Variants in SLC38A10 observed in about 807,000 individuals in gnomAD.
SLC38A10 encodes the protein Sodium-coupled neutral amino acid transporter 10.
Under a neutral mutation model 81.0 loss-of-function variants are expected in SLC38A10, and 53 were observed. The observed-to-expected ratio is 0.65, with a 90% CI of 0.53 to 0.82. SLC38A10 has a LOEUF of 0.82. SLC38A10 is among the 40% of genes least tolerant of loss of function. SLC38A10 has a pLI of 0.00. For missense variants in SLC38A10, 1,471 were observed against 1,545.0 expected, an observed-to-expected ratio of 0.95 and a Z score of 0.80; for synonymous variants, 665 against 655.3, an observed-to-expected ratio of 1.01 and a Z score of -0.23.
rs111841149 is a variant in SLC38A10, at chr17:81,295,020, C to T, written c.-99G>A. The T allele has an allele frequency of 8.6e-6, 12 of 1,395,794 alleles. No homozygotes were observed. The African/African-American group carries it at 9.1e-5, about 11-fold the overall frequency. 86.5% of individuals were successfully genotyped at this position (1,395,794 alleles called of 1,614,324 possible). Reference sequence around the variant, plus strand: ...CCGAGGCCACGGTCACAGGTCCCAACGTCCGGGACGCCGGTGGGGAGGGGA... The same window carrying T: ...CCGAGGCCACGGTCACAGGTCCCAATGTCCGGGACGCCGGTGGGGAGGGGA... On this transcript the variant is annotated 5_prime_UTR_variant, in exon 1 of 16. Transcript: ENST00000374759.
At chr17:81,262,101 G>A (rs1205398504) in intron 10 of SLC38A10, among the ~76,000 whole-genome samples, 2 of 152,250 alleles carry the variant, frequency 1.3e-5, no homozygotes, top group Non-Finnish European at 2.9e-5. Flanking sequence ...ACTCTCGCGA[G>A]GCTGCCCGAT....
chr17:81,292,543 G>A (rs36007241), intron 1 of SLC38A10, among the ~76,000 whole-genome samples: 30,926 of 152,022 alleles, frequency 0.2, 3,411 homozygotes, highest in Non-Finnish European at 0.23. Flanking sequence ...GCCTGCTGGC[G>A]TCTCCCTGCG....
intron 14 of SLC38A10, chr17:81,247,365 C>T (rs968399732): frequency 4.2e-5 from 12 of 286,788 alleles, no homozygotes; most frequent in Non-Finnish European, 6.5e-5. Context: ...GTGCCCCAGG[C>T]GCACCCGGCA....
At chr17:81,268,874 T>A (rs2063091922) in intron 10 of SLC38A10, among the ~76,000 whole-genome samples, 1 of 152,188 alleles carries the variant, frequency 6.6e-6, no homozygotes. Context: ...AAAAGTCAAC[T>A]GCATGCTGTT....
At chr17:81,285,061 T>C (rs2063251332) in intron 2 of SLC38A10, 166 bp from the exon 3 acceptor site, 1 of 511,134 alleles carries the variant, frequency 2.0e-6, no homozygotes, top group African/African-American at 2.0e-5. Flanking sequence ...TATTTTTGGA[T>C]CTACTGTCTG....
At position 81,294,915 on chromosome 17, in the gene SLC38A10, C is replaced by G; in HGVS notation, c.7G>C (p.Ala3Pro). 2 of 1,592,182 alleles carry G rather than the reference C, an allele frequency of 1.3e-6. No individual in the cohort carries two copies. The highest frequency in any genetic ancestry group is 1.7e-6 in the Non-Finnish European group (2 of 1,170,752). The change falls in exon 1 of 16, where the codon GCG (alanine) becomes CCG (proline). Residue 3 changes from alanine (A) to proline (P), a missense_variant. Ala to Pro is a conservative substitution (Grantham distance 27, BLOSUM62 -1). Transcript: ENST00000374759. MTAAAASNWGLIT... is the reference protein window; with the variant it reads MTPAAASNWGLIT... ...AGCCCCCAGTTGGAGGCGGCGGCCG[C>G]GGTCATAGTGAGAGGTCTAGGGGCC...
rs765828712 is a variant in SLC38A10, at chr17:81,245,721, G to T, written c.3195C>A (p.Ala1065=). 3 of 1,599,832 alleles carry T rather than the reference G, an allele frequency of 1.9e-6. No individual in the cohort carries two copies. The highest frequency in any genetic ancestry group is 2.6e-6 in the Non-Finnish European group (3 of 1,170,090). The change falls in exon 16 of 16, where the codon GCC becomes GCA. Residue 1065 remains alanine (A), a synonymous_variant. Coordinates refer to ENST00000374759, the MANE Select transcript of SLC38A10 (RefSeq NM_001037984.3). The part of the protein sequence containing the change: ...DLGPHAEGQL[A]PRDGVIIGLN... Reference sequence around the variant, plus strand: ...GGCCAATGATGACCCCATCCCTCGGGGCCAGCTGACCCTCTGCATGAGGGC... The same window carrying T: ...GGCCAATGATGACCCCATCCCTCGGTGCCAGCTGACCCTCTGCATGAGGGC...
chr17:81,284,272 C>T (rs186414262), intron 3 of SLC38A10, among the ~76,000 whole-genome samples: 4 of 152,196 alleles, frequency 2.6e-5, no homozygotes, highest in African/African-American at 7.2e-5. Flanking sequence ...GCAGGAGAAT[C>T]GCTTAAACCT....
In SLC38A10 at chr17:81,245,806, G is replaced by C. The variant is rs745484453; in HGVS notation, c.3110C>G (p.Pro1037Arg). ...PGGQRPDNAK[P>R]NRDLKLQAGS... Reference sequence around the variant, plus strand: ...AGCCTGCAGTTTCAGGTCCCGGTTGGGCTTGGCATTGTCCGGCCTCTGGCC... The same window carrying C: ...AGCCTGCAGTTTCAGGTCCCGGTTGCGCTTGGCATTGTCCGGCCTCTGGCC... Residue 1037 changes from proline (P) to arginine (R), a missense_variant, in exon 16 of 16, where the codon CCC becomes CGC. Pro to Arg is a moderately radical substitution (Grantham distance 103). Coordinates refer to ENST00000374759, the MANE Select transcript of SLC38A10 (RefSeq NM_001037984.3). 1 of 1,608,070 alleles carries C rather than the reference G, an allele frequency of 6.2e-7. No individual in the cohort carries two copies. The highest frequency in any genetic ancestry group is 8.5e-7 in the Non-Finnish European group (1 of 1,176,482).
intron 1 of SLC38A10, among the ~76,000 whole-genome samples, chr17:81,290,110 C>T (rs916093635): frequency 5.3e-5 from 8 of 152,218 alleles, no homozygotes; most frequent in African/African-American, 1.9e-4. Context: ...GTTCTCTGCA[C>T]ACACCCTACA....
chr17:81,280,895 C>T (rs1368484108), intron 5 of SLC38A10, among the ~76,000 whole-genome samples, 162 bp from the exon 6 acceptor site: 2 of 150,296 alleles, frequency 1.3e-5, no homozygotes, highest in Admixed American at 6.6e-5. Flanking sequence ...CGCCTTGTGC[C>T]GCCAGCTGGA....
chr17:81,283,510 G>A lies in SLC38A10; in HGVS notation c.264-8C>T, dbSNP rs2063234972. The A allele has an allele frequency of 1.2e-6, 2 of 1,604,174 alleles. No homozygotes were observed. Among genetic ancestry groups the A allele is most frequent in the South Asian group, 1.1e-5 (1 of 89,742 alleles). On this transcript the variant is annotated splice_polypyrimidine_tract_variant and splice_region_variant and intron_variant, in intron 3 of 15. Coordinates refer to ENST00000374759, the MANE Select transcript of SLC38A10 (RefSeq NM_001037984.3). This position sits in a 1 kb window ranked among gnomAD's most constrained non-coding sequence, Gnocchi z 4.7. ...AGCATCAGCCCGATCATGCTGCACAGGGACGGGGGGTACGGGAAATGCCAT... is the reference window on the plus strand; with the variant it reads ...AGCATCAGCCCGATCATGCTGCACAAGGACGGGGGGTACGGGAAATGCCAT...
In SLC38A10 at chr17:81,246,047, G is replaced by A. The variant is rs761780917; in HGVS notation, c.2869C>T (p.Arg957Cys). 11 of 1,609,878 alleles carry A rather than the reference G, an allele frequency of 6.8e-6. No individual in the cohort carries two copies. The highest frequency in any genetic ancestry group is 1.1e-5 in the South Asian group (1 of 90,986). The change falls in exon 16 of 16, where the codon CGC becomes TGC. Residue 957 changes from arginine (R) to cysteine (C), a missense_variant. This residue lies in a region of SLC38A10 where 751 missense variants were observed against 717.4 expected (regional missense o/e 1.05). Transcript: ENST00000374759. Reference sequence around the variant, plus strand: ...GAGATGACCCGCAGTTCCGGCTGGCGTAACACAGCCTGGGGCTGTGCAGCT... The same window carrying A: ...GAGATGACCCGCAGTTCCGGCTGGCATAACACAGCCTGGGGCTGTGCAGCT... The part of the protein sequence containing the change: ...GAAAQPQAVL[R>C]QPELRVISDG...
At chr17:81,267,798 C>T (rs1287804898) in intron 10 of SLC38A10, among the ~76,000 whole-genome samples, 2 of 151,940 alleles carry the variant, frequency 1.3e-5, no homozygotes, top group Non-Finnish European at 2.9e-5. Flanking sequence ...CTTGAGAGGT[C>T]CAGATCCCAG....
rs1431678288 is a variant in SLC38A10, at chr17:81,281,018, G to A, written c.502-285C>T. 2.6e-5 allele frequency among the ~76,000 whole-genome samples: 4 copies of A among 152,232 alleles called. No homozygotes were observed. The highest frequency in any genetic ancestry group is 4.1e-4 in the South Asian group (2 of 4,836). On this transcript the variant is annotated intron_variant, in intron 5 of 15. Coordinates refer to ENST00000374759, the MANE Select transcript of SLC38A10 (RefSeq NM_001037984.3). This position sits in a 1 kb window ranked among gnomAD's most constrained non-coding sequence, Gnocchi z 5.3. ...TGCAAGGGGGCTGCTTGGCGCAGAC[G>A]GGAGGAGACCACTGAGCATGCATGG...
chr17:81,295,182 GC>G lies in SLC38A10; in HGVS notation c.-262del. The G allele has an allele frequency of 3.4e-6, 1 of 296,830 alleles. No homozygotes were observed. Among genetic ancestry groups the G allele is most frequent in the Non-Finnish European group, 5.6e-6 (1 of 180,024 alleles). 18.4% of individuals were successfully genotyped at this position (296,830 alleles called of 1,614,324 possible). On this transcript the variant is annotated 5_prime_UTR_variant, in exon 1 of 16. An upstream open reading frame in the 5' UTR gains an earlier in-frame stop. Transcript: ENST00000374759. ...CGCCAAGCCCTGCGGCCGCCTCAGG[GC>G]CATGCGTCCCTCGCTCGGCCTCGCG...
At chr17:81,252,877 A>T (rs1260394481) in intron 12 of SLC38A10, among the ~76,000 whole-genome samples, 194 bp from the exon 13 acceptor site, 1 of 152,230 alleles carries the variant, frequency 6.6e-6, no homozygotes. Flanking sequence ...GGGCAGCTGC[A>T]AACAAGTTGC....
rs1320235471 is a variant in SLC38A10 at position 81,294,752 on chromosome 17, A to G, written c.99+71T>C. 10 of 1,410,200 alleles carry G rather than the reference A, an allele frequency of 7.1e-6. No homozygotes were observed. In the Admixed American group the frequency reaches 1.3e-4, roughly 18 times the overall value. 87.4% of individuals were successfully genotyped at this position (1,410,200 alleles called of 1,614,324 possible). A position where few individuals can be genotyped will look rare whatever the true frequency, so the allele number is the denominator to read the frequency against. On this transcript the variant is annotated intron_variant, in intron 1 of 15. Coordinates refer to ENST00000374759, the MANE Select transcript of SLC38A10 (RefSeq NM_001037984.3). ...CCCTGCCCCGGCGGGAACTTTAACC[A>G]GGACGACCCAGCCAGACGCCCCCTC... is the stretch of plus-strand genomic sequence containing the variant.
chr17:81,291,773 C>T (rs1324579178), intron 1 of SLC38A10, among the ~76,000 whole-genome samples: 1 of 152,184 alleles, frequency 6.6e-6, no homozygotes, highest in African/African-American at 2.4e-5. Context: ...ACCGTAAATG[C>T]CTCACAGGGG....
Sources: gnomAD v4.1 joint callset for allele counts (sites outside exome capture counted in the v4.1 genomes callset) on GRCh38, gnomAD v4.1.1 for gene constraint, gnomAD v4.1.1 regional missense constraint, Gnocchi (gnomAD v3.1) non-coding constraint, MANE v1.5 for transcripts, NCBI Gene and HGNC (gene_info 2026-07-23, HGNC 2026-07-21) for gene names.